The following MTMR10 variants were observed in gnomAD, a reference collection of about 807,000 sequenced individuals.
MTMR10 encodes the protein myotubularin-related protein 10.
A neutral mutation model predicts 88.1 loss-of-function variants in MTMR10; 56 were observed. The ratio of observed to expected loss-of-function variants is 0.64; its 90% CI spans 0.51 to 0.79. The LOEUF is 0.79. Ranked by LOEUF, MTMR10 falls within the 30% of genes least tolerant of loss-of-function variation. MTMR10 has a pLI of 0.00. For missense variants in MTMR10, 883 were observed against 924.7 expected (o/e 0.95, Z 0.58); for synonymous variants, 380 against 340.9 (o/e 1.11, Z -1.26).
downstream of MTMR10, among the ~76,000 whole-genome samples, chr15:30,937,893 AAGT>A (rs1314878520): frequency 6.6e-6 from 1 of 152,026 alleles, no homozygotes. Flanking sequence ...TTTTATAAAA[AAGT>A]AGTGGCTGGG....
Position 30,948,479 on chromosome 15 carries a change from TA to T in MTMR10, c.1208-9del. On this transcript the variant is annotated splice_polypyrimidine_tract_variant and intron_variant, in intron 12 of 15. Transcript: ENST00000435680. Reference sequence around the variant, plus strand: ...AGTCTCTTCCTTCCTCCTCTGTTAATAAAATGGAAAGAAAATGATTACAACA... The same window carrying T: ...AGTCTCTTCCTTCCTCCTCTGTTAATAAATGGAAAGAAAATGATTACAACA... 1 of 1,590,992 alleles carries T rather than the reference TA, an allele frequency of 6.3e-7. No individual in the cohort carries two copies. The highest frequency in any genetic ancestry group is 8.6e-7 in the Non-Finnish European group (1 of 1,168,148).
the MTMR10 span, among the ~76,000 whole-genome samples, chr15:30,921,105 A>T: frequency 3.9e-5 from 6 of 152,194 alleles, no homozygotes; most frequent in Non-Finnish European, 8.8e-5. Context: ...GTGCCTGGCC[A>T]ACGAGGGCAT....
downstream of MTMR10, among the ~76,000 whole-genome samples, chr15:30,936,900 C>G (rs1283406338): frequency 6.6e-6 from 1 of 152,136 alleles, no homozygotes; most frequent in Non-Finnish European, 1.5e-5. Flanking sequence ...AGTATGGTTT[C>G]TGTTGAATGT....
At chr15:30,929,534 G>C in the MTMR10 span, 2 of 207,798 alleles carry the variant, frequency 9.6e-6, no homozygotes, top group Non-Finnish European at 1.7e-5. Context: ...ATGATATATA[G>C]TATATATCAT....
At chr15:30,919,029 C>T in the MTMR10 span, among the ~76,000 whole-genome samples, 1 of 152,116 alleles carries the variant, frequency 6.6e-6, no homozygotes, top group Admixed American at 6.5e-5. Context: ...ATGTTATATG[C>T]ATTATATGCT....
chr15:30,943,030 C>T lies in MTMR10; in HGVS notation c.1591G>A (p.Gly531Ser). 6.5e-7 allele frequency: 1 copy of T among 1,548,504 alleles called. No individual in the cohort carries two copies. The highest frequency in any genetic ancestry group is 2.4e-5 in the East Asian group (1 of 40,938). The change falls in exon 15 of 16, where the codon GGC becomes AGC. Residue 531 changes from glycine to serine, a missense_variant. Gly to Ser is a moderately conservative substitution (Grantham distance 56). Coordinates refer to ENST00000435680, the MANE Select transcript of MTMR10 (RefSeq NM_017762.3). ...TCCCAAACAGAGGGGAATTTTAAGC[C>T]CTTCTCATCACCCAATTGGATGTTT... Reference protein sequence around the residue: ...SKNIQLGDEKGLKFPSVWDWS... With the variant: ...SKNIQLGDEKSLKFPSVWDWS...
At chr15:30,967,625 A>C (rs2063488061) in intron 6 of MTMR10, among the ~76,000 whole-genome samples, 2 of 152,188 alleles carry the variant, frequency 1.3e-5, no homozygotes, top group Admixed American at 6.5e-5. Flanking sequence ...CTATCAATTA[A>C]AAAGGGTGGG....
rs917791764 is a variant in MTMR10 at position 30,938,986 on chromosome 15, A to T, written c.*2484T>A. The T allele has an allele frequency of 1.0e-6, 1 of 985,154 alleles. No individual in the cohort carries two copies. The highest frequency in any genetic ancestry group is 1.7e-5 in the African/African-American group (1 of 57,210). 61.0% of individuals were successfully genotyped at this position (985,154 alleles called of 1,614,324 possible). A position where few individuals can be genotyped will look rare whatever the true frequency, so the allele number is the denominator to read the frequency against. ...ATTAAGCCATCAAAATTTCCTTCAC[A>T]TTCAATACTGTTGAACAACAAGATA... On this transcript the variant is annotated 3_prime_UTR_variant, in exon 16 of 16. Transcript: ENST00000435680.
chr15:30,970,919 G>A (rs1365498455), intron 5 of MTMR10, among the ~76,000 whole-genome samples: 4 of 152,030 alleles, frequency 2.6e-5, no homozygotes, highest in African/African-American at 4.8e-5. Flanking sequence ...GGCAGAACTC[G>A]AACTAAATAC....
chr15:30,931,552 T>C, the MTMR10 span, among the ~76,000 whole-genome samples: 1 of 152,158 alleles, frequency 6.6e-6, no homozygotes, highest in Non-Finnish European at 1.5e-5. Context: ...AGTGTTATAG[T>C]TTTAGGTTTT....
the MTMR10 span, among the ~76,000 whole-genome samples, chr15:30,932,831 G>A: frequency 1.3e-5 from 2 of 150,400 alleles, no homozygotes; most frequent in Admixed American, 1.3e-4. Context: ...TCGTGCCTCA[G>A]CCTCCCTAGT....
the MTMR10 span, among the ~76,000 whole-genome samples, chr15:30,921,059 G>C: frequency 3.8e-4 from 58 of 152,118 alleles, no homozygotes; most frequent in Admixed American, 2.1e-3. Context: ...TTGACAGTGG[G>C]GGCCTAAAGT....
the MTMR10 span, chr15:30,928,269 C>A: frequency 8.3e-7 from 1 of 1,205,910 alleles, no homozygotes; most frequent in South Asian, 2.6e-5. Flanking sequence ...TTAGGTTATT[C>A]ACTAAAGTTT....
chr15:30,922,368 A>G, the MTMR10 span: 8 of 1,585,434 alleles, frequency 5.0e-6, no homozygotes, highest in African/African-American at 1.4e-5. Flanking sequence ...CTCAGTAACA[A>G]AACATATCTG....
intron 6 of MTMR10, among the ~76,000 whole-genome samples, chr15:30,962,837 G>A (rs935118476): frequency 1.8e-4 from 27 of 152,198 alleles, no homozygotes; most frequent in African/African-American, 6.5e-4. Flanking sequence ...GAGAGAGGCC[G>A]GGGCAGGAAA....
chr15:30,936,999 C>T (rs976410589), downstream of MTMR10: 3 of 786,418 alleles, frequency 3.8e-6, no homozygotes, highest in African/African-American at 5.2e-5. Context: ...GTTACACTTA[C>T]AAATACAGTG....
At chr15:30,966,305 C>A (rs576126078) in intron 6 of MTMR10, among the ~76,000 whole-genome samples, 2 of 152,146 alleles carry the variant, frequency 1.3e-5, no homozygotes, top group African/African-American at 4.8e-5. Flanking sequence ...TACTGTAAAC[C>A]AGAGATGCCC....
chr15:30,982,698 T>C (rs2030661327), intron 2 of MTMR10, among the ~76,000 whole-genome samples: 1 of 152,214 alleles, frequency 6.6e-6, no homozygotes, highest in African/African-American at 2.4e-5. Context: ...AATAATTAAG[T>C]GTCGAGTTAG....
chr15:30,971,387 A>T (rs2063536155), intron 5 of MTMR10, among the ~76,000 whole-genome samples: 2 of 152,174 alleles, frequency 1.3e-5, no homozygotes, highest in African/African-American at 4.8e-5. Flanking sequence ...TGCAGTACTG[A>T]AGAAACTCAA....
Sources: gnomAD v4.1 joint callset for allele counts (sites outside exome capture counted in the v4.1 genomes callset) on GRCh38, gnomAD v4.1.1 for gene constraint, MANE v1.5 for transcripts, NCBI Gene and HGNC (gene_info 2026-07-23, HGNC 2026-07-21) for gene names.